KAZN: variants seen among roughly 807,000 people sequenced by gnomAD.
KAZN encodes kazrin, periplakin interacting protein.
KAZN carries 40 observed loss-of-function variants against 87.4 expected under a neutral mutation model. The ratio of observed to expected loss-of-function variants is 0.46; its 90% CI spans 0.36 to 0.60. KAZN has a LOEUF of 0.60. Ranked by LOEUF, KAZN falls within the 20% of genes least tolerant of loss-of-function variation. The probability of loss-of-function intolerance (pLI) is 0.00; values close to 1 mark genes in which losing one functional copy is unlikely to be tolerated. For synonymous variants in KAZN, 466 were observed against 458.3 expected (o/e 1.02, Z -0.22); for missense variants, 898 against 1,073.9 (o/e 0.84, Z 2.29).
intron 2 of KAZN, among the ~76,000 whole-genome samples, chr1:14,417,795 G>C (rs1401882834): frequency 6.6e-6 from 1 of 151,750 alleles, no homozygotes; most frequent in South Asian, 2.1e-4. Context: ...AGGAGATCAA[G>C]ACCATCCTGG....
intron 8 of KAZN, 76 bp downstream of exon 8, chr1:15,065,829 C>T (rs775786630): frequency 1.9e-6 from 3 of 1,582,786 alleles, no homozygotes; most frequent in Non-Finnish European, 2.6e-6. Context: ...TGCCCGCAGG[C>T]GTGTCTGTGC....
chr1:14,739,134 C>T (rs1317116125), intron 1 of KAZN, among the ~76,000 whole-genome samples: 1 of 152,158 alleles, frequency 6.6e-6, no homozygotes, highest in Non-Finnish European at 1.5e-5. Context: ...GCTATGATTG[C>T]ACCACGGCAC....
At chr1:14,105,063 AT>A (rs1326620084) in intron 1 of KAZN, among the ~76,000 whole-genome samples, 6 of 152,130 alleles carry the variant, frequency 3.9e-5, no homozygotes, top group African/African-American at 1.4e-4. Context: ...GTCTCAAGGG[AT>A]ACACTGTGCT....
chr1:14,538,585 GGGA>G (rs1672633249), intron 2 of KAZN, among the ~76,000 whole-genome samples: 2 of 152,114 alleles, frequency 1.3e-5, no homozygotes, highest in South Asian at 4.1e-4. Context: ...CCAACCATAA[GGGA>G]GGAGCCCTAT....
chr1:14,632,904 G>A (rs1572093903), intron 1 of KAZN, among the ~76,000 whole-genome samples: 2 of 142,162 alleles, frequency 1.4e-5, no homozygotes, highest in African/African-American at 5.0e-5. Context: ...TTGGGAGGAA[G>A]GACAAAATGC....
intron 2 of KAZN, among the ~76,000 whole-genome samples, chr1:14,563,023 G>A (rs951228178): frequency 1.3e-5 from 2 of 152,188 alleles, no homozygotes; most frequent in African/African-American, 4.8e-5. Flanking sequence ...TAAGTGTCAG[G>A]CAGAGGAGGA....
intron 2 of KAZN, among the ~76,000 whole-genome samples, chr1:14,266,710 G>A (rs1056833690): frequency 6.6e-6 from 1 of 152,048 alleles, no homozygotes; most frequent in Non-Finnish European, 1.5e-5. Flanking sequence ...AGGGACACTC[G>A]CACCCCCCCA....
chr1:14,384,101 AT>A (rs1311163126), intron 2 of KAZN, among the ~76,000 whole-genome samples: 1 of 150,980 alleles, frequency 6.6e-6, no homozygotes, highest in Non-Finnish European at 1.5e-5. Flanking sequence ...TTCACTCATG[AT>A]TTGGCTCTCT....
At chr1:15,053,472 A>C (rs147750870) in intron 4 of KAZN, among the ~76,000 whole-genome samples, 1 of 152,188 alleles carries the variant, frequency 6.6e-6, no homozygotes, top group Non-Finnish European at 1.5e-5. Flanking sequence ...ACCTGCTTCC[A>C]TTTATCCTGC....
At chr1:13,924,034 G>T (rs61777397) in intron 1 of KAZN, among the ~76,000 whole-genome samples, 124 of 152,146 alleles carry the variant, frequency 8.2e-4, no homozygotes, top group Middle Eastern at 3.4e-3. Flanking sequence ...CCAAATATGG[G>T]GTGGTGGGGA....
At chr1:14,296,976 G>A (rs1654171754) in intron 2 of KAZN, among the ~76,000 whole-genome samples, 1 of 152,102 alleles carries the variant, frequency 6.6e-6, no homozygotes, top group Non-Finnish European at 1.5e-5. Flanking sequence ...AGTTCTCTGT[G>A]TATATTTGTG....
chr1:14,466,609 T>C (rs1336464128), intron 2 of KAZN, among the ~76,000 whole-genome samples: 1 of 149,414 alleles, frequency 6.7e-6, no homozygotes, highest in African/African-American at 2.5e-5. Flanking sequence ...CGATTACCTA[T>C]GCAACAAACC....
chr1:14,562,847 G>A (rs190101365), intron 2 of KAZN, among the ~76,000 whole-genome samples: 16 of 152,300 alleles, frequency 1.1e-4, no homozygotes, highest in African/African-American at 3.6e-4. Context: ...AGAGATTCCC[G>A]TGGAAAGCAG....
intron 2 of KAZN, among the ~76,000 whole-genome samples, chr1:15,005,491 T>G (rs1668910627): frequency 6.6e-6 from 1 of 152,106 alleles, no homozygotes. Context: ...AGTTTAAATT[T>G]TAACCTAAAG....
chr1:14,203,113 TAATA>T (rs1368488487), intron 2 of KAZN, among the ~76,000 whole-genome samples: 6 of 151,920 alleles, frequency 3.9e-5, no homozygotes, highest in Non-Finnish European at 7.4e-5. Flanking sequence ...TTATACTAGA[TAATA>T]AATAATAAGA....
intron 1 of KAZN, among the ~76,000 whole-genome samples, chr1:14,921,071 G>C (rs1658458173): frequency 6.6e-6 from 1 of 152,030 alleles, no homozygotes. Context: ...CTGAGTAAGG[G>C]GGGCATGGGC....
rs1285964935 is a variant in KAZN, at chr1:15,092,224, A to G, written c.1223-1956A>G. Among the ~76,000 whole-genome samples, 104 of 151,606 alleles carry G rather than the reference A, an allele frequency of 6.9e-4. 1 individual carries two copies. Among genetic ancestry groups the G allele is most frequent in the Non-Finnish European group, 6.8e-4 (46 of 67,866 alleles). ...CCCGAGTAGCTGGGATTACAGGCAT[A>G]TGCCACCACCCAGGCTAATTTTGTA... On this transcript the variant is annotated intron_variant, in intron 8 of 14. Coordinates refer to ENST00000376030, the MANE Select transcript of KAZN (RefSeq NM_201628.3).
chr1:14,408,882 A>G (rs918157615), intron 2 of KAZN, among the ~76,000 whole-genome samples: 1 of 151,980 alleles, frequency 6.6e-6, no homozygotes, highest in Non-Finnish European at 1.5e-5. Context: ...ATGAAAGAAA[A>G]GAAGAGGATG....
chr1:13,910,155 C>T (rs190624239), intron 1 of KAZN, among the ~76,000 whole-genome samples: 2 of 152,146 alleles, frequency 1.3e-5, no homozygotes, highest in African/African-American at 4.8e-5. Context: ...TGGTTTAACA[C>T]TATCCTCCTT....
Sources: allele counts gnomAD v4.1 joint callset (sites outside exome capture counted in the v4.1 genomes callset), GRCh38; gene constraint gnomAD v4.1.1; transcripts MANE v1.5; gene names NCBI Gene and HGNC (gene_info 2026-07-23, HGNC 2026-07-21).